Variants in TENM4 observed in about 807,000 individuals in gnomAD.
TENM4 encodes the protein teneurin transmembrane protein 4.
A neutral mutation model predicts 243.3 loss-of-function variants in TENM4; 82 were observed. The observed-to-expected ratio is 0.34, with a 90% CI of 0.28 to 0.40. TENM4 has a LOEUF of 0.40. TENM4 is among the 10% of genes least tolerant of loss of function. The pLI is 1.00. For synonymous variants in TENM4, 1,412 were observed against 1,456.3 expected (o/e 0.97, Z 0.69); for missense variants, 3,138 against 3,673.3 (o/e 0.85, Z 3.77).
At chr11:79,204,034 G>T (rs1234680468) in intron 3 of TENM4, among the ~76,000 whole-genome samples, 1 of 152,182 alleles carries the variant, frequency 6.6e-6, no homozygotes, top group Non-Finnish European at 1.5e-5. Context: ...CAAATCCACA[G>T]GTGCAGAAAA....
At chr11:79,214,263 G>A (rs1194866844) in intron 3 of TENM4, among the ~76,000 whole-genome samples, 1 of 152,122 alleles carries the variant, frequency 6.6e-6, no homozygotes, top group African/African-American at 2.4e-5. Flanking sequence ...CCAAAGTGCT[G>A]GGATTACAGG....
intron 33 of TENM4, 56 bp downstream of exon 33, chr11:78,661,393 C>T: frequency 1.3e-6 from 2 of 1,569,338 alleles, no homozygotes; most frequent in South Asian, 1.2e-5. Context: ...GCTGAAGGGA[C>T]CCCCTCCAGT....
chr11:79,216,637 G>T (rs1016981179), intron 2 of TENM4, among the ~76,000 whole-genome samples: 3 of 152,142 alleles, frequency 2.0e-5, no homozygotes, highest in African/African-American at 7.2e-5. Flanking sequence ...TCAATCATGG[G>T]TTGTTATAAA....
At chr11:79,265,395 T>C (rs539765205) in intron 2 of TENM4, among the ~76,000 whole-genome samples, 37 of 152,318 alleles carry the variant, frequency 2.4e-4, no homozygotes, top group African/African-American at 6.5e-4. Context: ...GAAACGCGGC[T>C]CATCCAAAGT....
chr11:79,041,637 TTGG>T (rs1214714937), intron 6 of TENM4, among the ~76,000 whole-genome samples: 1 of 152,224 alleles, frequency 6.6e-6, no homozygotes, highest in Non-Finnish European at 1.5e-5. Context: ...AGAGTGGCCT[TTGG>T]GGAAGCAGGC....
At chr11:79,218,590 C>T (rs1206663112) in intron 2 of TENM4, among the ~76,000 whole-genome samples, 2 of 152,106 alleles carry the variant, frequency 1.3e-5, no homozygotes, top group South Asian at 4.2e-4. Context: ...CCTTATGGTC[C>T]CTCCCCTCTT....
At chr11:79,172,707 C>T (rs1369158254) in intron 3 of TENM4, among the ~76,000 whole-genome samples, 1 of 151,272 alleles carries the variant, frequency 6.6e-6, no homozygotes, top group East Asian at 1.9e-4. Context: ...ATCTGTCACC[C>T]AGGCTGGAGT....
intron 19 of TENM4, among the ~76,000 whole-genome samples, chr11:78,747,668 A>C (rs1856082406): frequency 6.6e-6 from 1 of 152,174 alleles, no homozygotes; most frequent in African/African-American, 2.4e-5. Flanking sequence ...ATTTGCTTGG[A>C]GCAAACTCTT....
chr11:79,106,856 T>C (rs1253241782), intron 4 of TENM4, among the ~76,000 whole-genome samples: 1 of 152,186 alleles, frequency 6.6e-6, no homozygotes, highest in East Asian at 1.9e-4. Context: ...ATAATGTAAG[T>C]AGATTAGAGA....
chr11:79,437,925 AT>A (rs1361334084), intron 1 of TENM4, among the ~76,000 whole-genome samples: 1 of 152,046 alleles, frequency 6.6e-6, no homozygotes, highest in South Asian at 2.1e-4. Context: ...GCACCTGGGG[AT>A]TTTTTTCCAG....
intron 18 of TENM4, among the ~76,000 whole-genome samples, chr11:78,761,685 G>C (rs577041026): frequency 1.7e-4 from 14 of 81,912 alleles, no homozygotes; most frequent in South Asian, 1.6e-3. Context: ...GTATAGGCTT[G>C]GTCTCTTAGC....
chr11:78,716,153 A>G (rs1304871171), intron 25 of TENM4, among the ~76,000 whole-genome samples: 1 of 152,060 alleles, frequency 6.6e-6, no homozygotes, highest in Non-Finnish European at 1.5e-5. Flanking sequence ...TGAAATTCCA[A>G]CCGAGTTCTG....
intron 6 of TENM4, among the ~76,000 whole-genome samples, chr11:78,965,553 C>T (rs1034025385): frequency 2.0e-5 from 3 of 152,232 alleles, no homozygotes; most frequent in African/African-American, 7.2e-5. Context: ...GTTACAGCCT[C>T]TTCCTGAGTA....
intron 27 of TENM4, among the ~76,000 whole-genome samples, chr11:78,703,115 C>T (rs1318218229): frequency 6.6e-6 from 1 of 152,124 alleles, no homozygotes; most frequent in African/African-American, 2.4e-5. Context: ...GAAAACCCCA[C>T]CCTTGGTGGG....
chr11:79,263,879 A>C (rs532464396), intron 2 of TENM4, among the ~76,000 whole-genome samples: 4 of 152,308 alleles, frequency 2.6e-5, no homozygotes, highest in African/African-American at 9.6e-5. Context: ...ACCACATATG[A>C]GAAAAGTGGG....
intron 6 of TENM4, chr11:79,021,587 G>C (rs1406349186): frequency 6.6e-6 from 1 of 152,166 alleles, no homozygotes; most frequent in Non-Finnish European, 1.5e-5. Flanking sequence ...TTTCACTTCT[G>C]ATCTGCTCCA....
At chr11:79,377,613 T>TAAA (rs1857917804) in intron 1 of TENM4, among the ~76,000 whole-genome samples, 1 of 152,228 alleles carries the variant, frequency 6.6e-6, no homozygotes, top group South Asian at 2.1e-4. Context: ...TCGCTCCATG[T>TAAA]AAATTACTTC....
intron 1 of TENM4, among the ~76,000 whole-genome samples, chr11:79,327,038 T>A (rs569670964): frequency 7.2e-5 from 11 of 152,360 alleles, no homozygotes; most frequent in African/African-American, 2.6e-4. Context: ...CAATTAAATA[T>A]ATGGTTTGCC....
chr11:79,352,092 T>C (rs1857424096), intron 1 of TENM4, among the ~76,000 whole-genome samples: 3 of 152,246 alleles, frequency 2.0e-5, no homozygotes, highest in Admixed American at 2.0e-4. Flanking sequence ...ATGTGCTGCA[T>C]AGTAAATACC....
Sources: gnomAD v4.1 joint callset for allele counts (sites outside exome capture counted in the v4.1 genomes callset) on GRCh38, gnomAD v4.1.1 for gene constraint, MANE v1.5 for transcripts, NCBI Gene and HGNC (gene_info 2026-07-23, HGNC 2026-07-21) for gene names.